The following POLA1 variants were observed in gnomAD, a reference collection of about 807,000 sequenced individuals.
POLA1 encodes DNA polymerase alpha 1, catalytic subunit.
In POLA1, 15 loss-of-function variants were observed where a neutral mutation model predicts 124.0. That is an observed-to-expected ratio of 0.12 (90% CI 0.08 to 0.19). The LOEUF (loss-of-function observed/expected upper bound fraction) is 0.19. POLA1 is among the 10% of genes least tolerant of loss of function. The pLI, the probability that POLA1 is intolerant of heterozygous loss-of-function variation, is 1.00. For missense variants in POLA1, 886 were observed against 1,103.4 expected (o/e 0.80, Z 2.79); for synonymous variants, 408 against 389.4 (o/e 1.05, Z -0.56).
chrX:24,844,408 A>G (rs2046448868), intron 34 of POLA1, among the ~76,000 whole-genome samples: 1 of 110,224 alleles, frequency 9.1e-6, no homozygotes, highest in African/African-American at 3.3e-5. Flanking sequence ...TTTGTCATCT[A>G]AACAAATTTT....
intron 29 of POLA1, among the ~76,000 whole-genome samples, chrX:24,814,471 G>C (rs980710085): frequency 8.9e-6 from 1 of 111,785 alleles, no homozygotes; most frequent in Non-Finnish European, 1.9e-5. Flanking sequence ...AGAAAAGTTT[G>C]AAATCTTTGT....
chrX:24,845,209 A>G (rs2046461251), intron 34 of POLA1, among the ~76,000 whole-genome samples: 2 of 111,468 alleles, frequency 1.8e-5, no homozygotes, highest in Admixed American at 1.9e-4. Flanking sequence ...GGATCCAGAT[A>G]TTTAACACAA....
At chrX:24,826,800 A>G (rs2147025480) in intron 32 of POLA1, among the ~76,000 whole-genome samples, 199 bp downstream of exon 32, 1 of 112,045 alleles carries the variant, frequency 8.9e-6, no homozygotes, top group Admixed American at 9.5e-5. Context: ...TACTGTAACC[A>G]CATGCCTGCT....
At chrX:24,822,240 A>G (rs2046102748) in intron 31 of POLA1, among the ~76,000 whole-genome samples, 2 of 111,638 alleles carry the variant, frequency 1.8e-5, no homozygotes, top group African/African-American at 3.3e-5. Context: ...GCCCTTAACT[A>G]TTTTAACAAA....
intron 36 of POLA1, among the ~76,000 whole-genome samples, chrX:24,983,493 A>G (rs1401386224): frequency 2.7e-5 from 3 of 112,112 alleles, no homozygotes; most frequent in Non-Finnish European, 3.8e-5. Flanking sequence ...TTTATTTGCC[A>G]GTGAAAGATA....
rs777330986 is a variant in POLA1 at position 24,694,401 on chromosome X, A to G, written c.43+397A>G. Among the ~76,000 whole-genome samples, 54 of 112,908 alleles carry G rather than the reference A, an allele frequency of 4.8e-4. No homozygotes were observed. In the East Asian group the frequency reaches 0.013, roughly 28 times the overall value. On this transcript the variant is annotated intron_variant, in intron 1 of 36. Coordinates refer to ENST00000379068, the MANE Select transcript of POLA1 (RefSeq NM_001330360.2). Reference sequence around the variant, plus strand: ...AGAACAGATCTGTGTCCCTTTTTGTAGGAACTTCCAGGAAAATTTTATACA... The same window carrying G: ...AGAACAGATCTGTGTCCCTTTTTGTGGGAACTTCCAGGAAAATTTTATACA...
At chrX:24,960,188 T>C (rs2048153216) in intron 36 of POLA1, among the ~76,000 whole-genome samples, 1 of 111,848 alleles carries the variant, frequency 8.9e-6, no homozygotes, top group African/African-American at 3.3e-5. Context: ...TACCCTCAAA[T>C]ATTTCAATAG....
intron 34 of POLA1, among the ~76,000 whole-genome samples, chrX:24,854,352 G>A (rs2046612358): frequency 9.0e-6 from 1 of 111,407 alleles, no homozygotes; most frequent in South Asian, 3.8e-4. Context: ...GCCCGGCCAC[G>A]GGGGGCCACT....
Position 24,996,054 on chromosome X carries a change from G to T in POLA1, c.*104G>T. 1.4e-6 allele frequency: 1 copy of T among 725,072 alleles called. No individual in the cohort carries two copies. The highest frequency in any genetic ancestry group is 3.2e-5 in the Admixed American group (1 of 31,608). 59.8% of individuals were successfully genotyped at this position (725,072 alleles called of 1,213,427 possible). A position where few individuals can be genotyped will look rare whatever the true frequency, so the allele number is the denominator to read the frequency against. ...CTCCTCCAGCATCTGTTTCTCCCTTGGGACTGTGTCTCATGTTTGTGTGAA... is the reference window on the plus strand; with the variant it reads ...CTCCTCCAGCATCTGTTTCTCCCTTTGGACTGTGTCTCATGTTTGTGTGAA... On this transcript the variant is annotated 3_prime_UTR_variant, in exon 37 of 37. Transcript: ENST00000379068.
chrX:24,768,845 T>G (rs1462808025), intron 26 of POLA1, among the ~76,000 whole-genome samples: 3 of 112,058 alleles, frequency 2.7e-5, no homozygotes, highest in Non-Finnish European at 3.8e-5. Context: ...TTTATTCTTT[T>G]ACATGCAGTG....
intron 35 of POLA1, among the ~76,000 whole-genome samples, chrX:24,918,065 TATC>T (rs778417199): frequency 4.8e-4 from 53 of 110,603 alleles, no homozygotes; most frequent in Non-Finnish European, 7.6e-4. Context: ...TTATATCTAT[TATC>T]ATTATACCTG....
chrX:24,866,737 T>G (rs1228534314), intron 34 of POLA1, among the ~76,000 whole-genome samples: 1 of 112,471 alleles, frequency 8.9e-6, no homozygotes, highest in Non-Finnish European at 1.9e-5. Flanking sequence ...AGCACTTTTA[T>G]GCTCCATTAA....
intron 36 of POLA1, among the ~76,000 whole-genome samples, chrX:24,967,967 A>G (rs1393690779): frequency 1.8e-5 from 2 of 111,592 alleles, no homozygotes; most frequent in South Asian, 3.8e-4. Context: ...CGAGCACTAA[A>G]TACACTTAAT....
intron 36 of POLA1, among the ~76,000 whole-genome samples, chrX:24,962,422 A>G (rs2048178238): frequency 8.9e-6 from 1 of 112,430 alleles, no homozygotes; most frequent in African/African-American, 3.2e-5. Flanking sequence ...TTTTGATTAC[A>G]GAACAGCTTA....
Position 24,996,234 on chromosome X carries a change from T to C in POLA1, c.*284T>C. On this transcript the variant is annotated 3_prime_UTR_variant, in exon 37 of 37. Transcript: ENST00000379068. ...CCCAAGCTCCTGAAGACCCGGTTTC[T>C]GAGGGAGGGAAATTGCTACTTGGAT... 1 of 232,666 alleles carries C rather than the reference T, an allele frequency of 4.3e-6. No individual in the cohort carries two copies. Among genetic ancestry groups the C allele is most frequent in the Non-Finnish European group, 7.7e-6 (1 of 130,670 alleles). The allele number at this position is 232,666 out of a possible 1,213,427, so 19.2% of individuals were successfully genotyped here. A position where few individuals can be genotyped will look rare whatever the true frequency, so the allele number is the denominator to read the frequency against.
At chrX:24,786,999 C>T (rs183278192) in intron 26 of POLA1, among the ~76,000 whole-genome samples, 16 of 110,444 alleles carry the variant, frequency 1.4e-4, no homozygotes, top group African/African-American at 4.3e-4. Context: ...TGGTCTTGAA[C>T]TCCTGGCCTC....
chrX:24,977,920 T>C (rs765584265), intron 36 of POLA1, among the ~76,000 whole-genome samples: 3 of 111,423 alleles, frequency 2.7e-5, no homozygotes, highest in East Asian at 5.7e-4. Context: ...GGTCTCTGTC[T>C]TGAATATACT....
At position 24,932,034 on chromosome X, in the gene POLA1, G is replaced by A. The variant is rs770338455; in HGVS notation, c.4261+1485G>A. Among the ~76,000 whole-genome samples the A allele has an allele frequency of 6.2e-5, 7 of 112,090 alleles. No homozygotes were observed. In the East Asian group the frequency reaches 1.7e-3, roughly 27 times the overall value. On this transcript the variant is annotated intron_variant, in intron 36 of 36. Transcript: ENST00000379068. ...CTGCCTCAGCCTCCCAAGTAGCTGG[G>A]ATTATAGGCATGTGCCACCACACCT...
intron 35 of POLA1, among the ~76,000 whole-genome samples, chrX:24,909,307 T>G (rs189008817): frequency 0.036 from 4,061 of 111,991 alleles, 197 homozygotes; most frequent in African/African-American, 0.12. Context: ...TGAAGTCCTT[T>G]CCCATGCCTA....
Sources: gnomAD v4.1 joint callset for allele counts (sites outside exome capture counted in the v4.1 genomes callset) on GRCh38, gnomAD v4.1.1 for gene constraint, MANE v1.5 for transcripts, NCBI Gene and HGNC (gene_info 2026-07-23, HGNC 2026-07-21) for gene names.